POMGNT1: variants seen among roughly 807,000 people sequenced by gnomAD.
The protein encoded by POMGNT1 is protein O-linked-mannose beta-1,2-N-acetylglucosaminyltransferase 1.
In POMGNT1, 67 loss-of-function variants were observed where a neutral mutation model predicts 95.6. The ratio of observed to expected loss-of-function variants is 0.70; its 90% CI spans 0.58 to 0.86. The LOEUF (loss-of-function observed/expected upper bound fraction) is 0.86, where lower values mean the gene tolerates loss of function less well. Ranked by LOEUF, POMGNT1 falls within the 40% of genes least tolerant of loss-of-function variation. The pLI is 0.00. For missense variants in POMGNT1, 719 were observed against 855.2 expected (o/e 0.84, Z 1.99); for synonymous variants, 298 against 317.9 (o/e 0.94, Z 0.66).
exon 1 of POMGNT1, chr1:46,220,147 A>G: frequency 6.2e-7 from 1 of 1,614,168 alleles, no homozygotes; most frequent in Non-Finnish European, 8.5e-7. Flanking sequence ...TCACCAGAGG[A>G]TGAGAGTGCC....
At position 46,193,242 on chromosome 1, in the gene POMGNT1, A is replaced by G. The variant is rs749798014; in HGVS notation, c.1111-27T>C. On this transcript the variant is annotated intron_variant, in intron 12 of 21. Coordinates refer to ENST00000371984, the MANE Select transcript of POMGNT1 (RefSeq NM_017739.4). ...TGGGAGTGGGGTGGGAATAGGGCAC[A>G]TGAGCTTTAGGGTAGAAGGCAGAGC... 35 of 1,614,138 alleles carry G rather than the reference A, an allele frequency of 2.2e-5. No individual in the cohort carries two copies. The Admixed American group carries it at 5.3e-4, about 25-fold the overall frequency.
chr1:46,204,711 C>T (rs1187990170), intron 1 of POMGNT1, among the ~76,000 whole-genome samples: 1 of 152,188 alleles, frequency 6.6e-6, no homozygotes, highest in Admixed American at 6.5e-5. Flanking sequence ...CAAGTGTGCA[C>T]TTGGCCTTGA....
intron 1 of POMGNT1, chr1:46,203,528 G>A: frequency 6.4e-7 from 1 of 1,567,162 alleles, no homozygotes; most frequent in South Asian, 1.2e-5. Context: ...TGCGAGGCGA[G>A]TGTGAGCTGG....
At position 46,197,019 on chromosome 1, in the gene POMGNT1, C is replaced by T; in HGVS notation, c.186G>A (p.Arg62=). Residue 62 remains arginine (R), a synonymous_variant, in exon 3 of 22, where the codon CGG becomes CGA. Coordinates refer to ENST00000371984, the MANE Select transcript of POMGNT1 (RefSeq NM_017739.4). ...IVNIKLILDT[R]RAISEANEDP... ...CTTCATTGGCTTCACTGATGGCTCG[C>T]CGAGTGTCCAGGATCAACTTGATAT... 1 of 1,614,196 alleles carries T rather than the reference C, an allele frequency of 6.2e-7. No individual in the cohort carries two copies. Among genetic ancestry groups the T allele is most frequent in the South Asian group, 1.1e-5 (1 of 91,086 alleles).
intron 7 of POMGNT1, 24 bp downstream of exon 7, chr1:46,194,820 G>GT (rs1658093271): frequency 1.2e-6 from 2 of 1,613,902 alleles, no homozygotes; most frequent in Non-Finnish European, 8.5e-7. Context: ...ATACTACAGA[G>GT]TGGATGGCCT....
At chr1:46,203,552 C>T in intron 1 of POMGNT1, 1 of 1,567,206 alleles carries the variant, frequency 6.4e-7, no homozygotes, top group Non-Finnish European at 8.6e-7. Context: ...CCTCTGGCGC[C>T]CTGCTGCTCC....
chr1:46,203,316 C>T, upstream of POMGNT1: 1 of 855,082 alleles, frequency 1.2e-6, no homozygotes, highest in Non-Finnish European at 1.7e-6. Flanking sequence ...CCCCGCGCCG[C>T]GCGGGCGGGG....
intron 6 of POMGNT1, among the ~76,000 whole-genome samples, chr1:46,195,236 T>A (rs982924011): frequency 1.2e-4 from 19 of 152,042 alleles, no homozygotes; most frequent in African/African-American, 4.6e-4. Flanking sequence ...TCTCCTACTC[T>A]CCTCCCTTAT....
chr1:46,190,168 C>A (rs1198528052), intron 19 of POMGNT1, 179 bp from the exon 20 acceptor site: 2 of 785,318 alleles, frequency 2.5e-6, no homozygotes, highest in African/African-American at 3.5e-5. Context: ...CCTCAGCCTC[C>A]CAAGTAGCTG....
In POMGNT1 at chr1:46,197,057, T is replaced by C; in HGVS notation, c.148A>G (p.Thr50Ala). The C allele has an allele frequency of 6.2e-7, 1 of 1,614,040 alleles. No individual in the cohort carries two copies. Among genetic ancestry groups the C allele is most frequent in the Non-Finnish European group, 8.5e-7 (1 of 1,179,974 alleles). The change falls in exon 3 of 22, where the codon ACT (threonine) becomes GCT (alanine). Residue 50 changes from threonine to alanine, a missense_variant. Thr to Ala is a moderately conservative substitution (Grantham distance 58). This residue lies in a region of POMGNT1 where 466 missense variants were observed against 517.4 expected (regional missense o/e 0.90). Transcript: ENST00000371984. ...ATCAACTTGATATTGACAATGACAG[T>C]CACCAGCAGGAAAAGCACGGCCCCT... ...QTGAVLFLLV[T>A]VIVNIKLILD...
At chr1:46,191,949 T>G in intron 17 of POMGNT1, 149 bp downstream of exon 17, 1 of 1,308,724 alleles carries the variant, frequency 7.6e-7, no homozygotes, top group South Asian at 1.3e-5. Context: ...TCCTCATTTT[T>G]CAGATAAAGA....
At chr1:46,198,543 G>A (rs529159508), upstream of POMGNT1, 333 of 84,082 alleles carry the variant, frequency 4.0e-3, 2 homozygotes, top group African/African-American at 0.016. Flanking sequence ...CGGCGGCGGT[G>A]GCGGCAGCGG....
intron 6 of POMGNT1, chr1:46,195,562 G>A (rs772112133): frequency 1.6e-5 from 9 of 546,090 alleles, no homozygotes; most frequent in Non-Finnish European, 2.7e-5. Context: ...TGGAATATAA[G>A]CTCCATGAGG....
In POMGNT1 at chr1:46,196,175, C is replaced by G; in HGVS notation, c.355-98G>C. On this transcript the variant is annotated intron_variant, in intron 4 of 21. Coordinates refer to ENST00000371984, the MANE Select transcript of POMGNT1 (RefSeq NM_017739.4). This position sits in a 1 kb window ranked among gnomAD's most constrained non-coding sequence, Gnocchi z 4.4. ...AAACACCAGCTGCTTGAAACATCAC[C>G]TCCTGCCTATGTTTCTGTTCACACA... The G allele has an allele frequency of 3.8e-6, 6 of 1,588,768 alleles. No homozygotes were observed. Among genetic ancestry groups the G allele is most frequent in the Non-Finnish European group, 5.1e-6 (6 of 1,170,404 alleles).
At position 46,190,755 on chromosome 1, in the gene POMGNT1, G is replaced by A. The variant is rs1057523859; in HGVS notation, c.1569C>T (p.Asn523=). 6.2e-7 allele frequency: 1 copy of A among 1,613,944 alleles called. No homozygotes were observed. Among genetic ancestry groups the A allele is most frequent in the Non-Finnish European group, 8.5e-7 (1 of 1,179,832 alleles). Residue 523 remains asparagine (N), a synonymous_variant, in exon 18 of 22, where the codon AAC becomes AAT. Coordinates refer to ENST00000371984, the MANE Select transcript of POMGNT1 (RefSeq NM_017739.4). ...TCCTGAGCTGGACACCTGGAACCGT[G>A]TTGAACTTGTGCTTCTTGAAGTAGG... The part of the protein sequence containing the change: ...HEAYFKKHKF[N]TVPGVQLRNV...
chr1:46,204,844 T>G (rs1256201056), intron 1 of POMGNT1, among the ~76,000 whole-genome samples: 1 of 152,252 alleles, frequency 6.6e-6, no homozygotes, highest in Non-Finnish European at 1.5e-5. Flanking sequence ...CTATCTAGAC[T>G]GTCTACTTGC....
upstream of POMGNT1, among the ~76,000 whole-genome samples, chr1:46,202,909 G>GT (rs1553164813): frequency 9.5e-6 from 1 of 105,158 alleles, no homozygotes; most frequent in South Asian, 3.5e-4. Context: ...TAGCCCCTGG[G>GT]GGGGGGGGGT....
At chr1:46,210,941 A>ATT (rs34921411) in intron 1 of POMGNT1, among the ~76,000 whole-genome samples, 205 of 134,458 alleles carry the variant, frequency 1.5e-3, no homozygotes, top group East Asian at 0.015. Flanking sequence ...CACTCACCTA[A>ATT]TTTTTTTTTT....
chr1:46,190,808 A>G (rs1657706440), intron 17 of POMGNT1, 24 bp from the exon 18 acceptor site: 1 of 1,587,910 alleles, frequency 6.3e-7, no homozygotes, highest in Non-Finnish European at 8.6e-7. Flanking sequence ...GAGAGTGAAA[A>G]TCAGCACCTC....
Sources: allele counts gnomAD v4.1 joint callset (sites outside exome capture counted in the v4.1 genomes callset), GRCh38; gene constraint gnomAD v4.1.1; regional missense constraint gnomAD v4.1.1; non-coding constraint Gnocchi (gnomAD v3.1); transcripts MANE v1.5; gene names NCBI Gene and HGNC (gene_info 2026-07-23, HGNC 2026-07-21).